The following TMEM132B variants were observed in gnomAD, a reference collection of about 807,000 sequenced individuals.
TMEM132B encodes the protein transmembrane protein 132B.
TMEM132B carries 18 observed loss-of-function variants against 90.8 expected under a neutral mutation model. The observed-to-expected ratio is 0.20, with a 90% confidence interval of 0.14 to 0.29. The LOEUF (loss-of-function observed/expected upper bound fraction) is 0.29, where lower values mean the gene tolerates loss of function less well. Among genes scored for constraint, TMEM132B ranks in the 10% least tolerant of loss-of-function variants. The pLI, the probability that TMEM132B is intolerant of heterozygous loss-of-function variation, is 1.00. For missense variants in TMEM132B, 1,096 were observed against 1,326.8 expected, an observed-to-expected ratio of 0.83 and a Z score of 2.70; for synonymous variants, 504 against 523.3, an observed-to-expected ratio of 0.96 and a Z score of 0.50.
At chr12:125,526,826 C>T (rs931323163) in intron 4 of TMEM132B, among the ~76,000 whole-genome samples, 5 of 152,094 alleles carry the variant, frequency 3.3e-5, no homozygotes, top group African/African-American at 9.7e-5. Context: ...GAGGTGCTCA[C>T]TCATTCATTC....
At chr12:125,489,551 C>A (rs373850434) in intron 3 of TMEM132B, among the ~76,000 whole-genome samples, 1 of 151,990 alleles carries the variant, frequency 6.6e-6, no homozygotes, top group Admixed American at 6.6e-5. Context: ...GGACTACAGA[C>A]GTATGCCACC....
chr12:125,485,571 A>G (rs1194947824), intron 3 of TMEM132B, among the ~76,000 whole-genome samples: 4 of 152,168 alleles, frequency 2.6e-5, no homozygotes, highest in Non-Finnish European at 2.9e-5. Context: ...GGACTTGGCA[A>G]TTAGTGATAC....
chr12:125,467,150 T>C (rs1881585183), intron 3 of TMEM132B, among the ~76,000 whole-genome samples: 1 of 152,160 alleles, frequency 6.6e-6, no homozygotes, highest in African/African-American at 2.4e-5. Flanking sequence ...CTCTCCTTTA[T>C]GGATTCAAAT....
intron 1 of TMEM132B, among the ~76,000 whole-genome samples, chr12:125,230,145 C>CT (rs1468070630): frequency 2.0e-5 from 3 of 152,172 alleles, no homozygotes; most frequent in Non-Finnish European, 4.4e-5. Context: ...TCCTCACAGT[C>CT]TAAGGTATTT....
chr12:125,365,998 C>T (rs1878121847), intron 2 of TMEM132B, among the ~76,000 whole-genome samples: 1 of 151,898 alleles, frequency 6.6e-6, no homozygotes, highest in South Asian at 2.1e-4. Flanking sequence ...CGTTAATCAA[C>T]TTCTCATCCC....
At chr12:125,387,863 G>A (rs1245533141) in intron 2 of TMEM132B, among the ~76,000 whole-genome samples, 1 of 152,190 alleles carries the variant, frequency 6.6e-6, no homozygotes, top group Non-Finnish European at 1.5e-5. Context: ...ATACTGAGAT[G>A]AACAGAGAGT....
chr12:125,554,446 A>G (rs1466806265), intron 4 of TMEM132B, among the ~76,000 whole-genome samples: 1 of 149,064 alleles, frequency 6.7e-6, no homozygotes, highest in Non-Finnish European at 1.5e-5. Context: ...AAAAAAAAAA[A>G]AAAAAAAAGA....
At chr12:125,272,971 G>A (rs188191210) in intron 1 of TMEM132B, among the ~76,000 whole-genome samples, 44 of 152,286 alleles carry the variant, frequency 2.9e-4, no homozygotes, top group African/African-American at 9.4e-4. Flanking sequence ...TCCACTCATG[G>A]TGCCCTTTTG....
chr12:125,570,540 C>T (rs59431952), intron 4 of TMEM132B, among the ~76,000 whole-genome samples: 3,185 of 152,320 alleles, frequency 0.021, 117 homozygotes, highest in African/African-American at 0.074. Flanking sequence ...TCTCTGAGTG[C>T]TATCCTATTT....
chr12:125,218,759 T>G (rs1442665949), intron 1 of TMEM132B, among the ~76,000 whole-genome samples: 3 of 137,264 alleles, frequency 2.2e-5, no homozygotes, highest in African/African-American at 8.1e-5. Flanking sequence ...ACATCTTTCT[T>G]GTTGAAGCTG....
In TMEM132B at chr12:125,612,839, TTA is replaced by T. The variant is rs1386186798; in HGVS notation, c.1437+28855_1437+28856del. ...TATATATATGTAGTGGGTGTTTATA[TTA>T]TATATATATTTATATATTATATAAA... On this transcript the variant is annotated intron_variant, in intron 5 of 8. Transcript: ENST00000682704. Among the ~76,000 whole-genome samples the T allele has an allele frequency of 7.7e-5, 8 of 104,572 alleles. No individual in the cohort carries two copies. In the East Asian group the frequency reaches 1.1e-3, roughly 14 times the overall value. 68.6% of individuals were successfully genotyped at this position (104,572 alleles called of 152,430 possible). A position where few individuals can be genotyped will look rare whatever the true frequency, so the allele number is the denominator to read the frequency against.
rs1351633825 is a variant in TMEM132B at position 125,445,022 on chromosome 12, A to G, written c.1106+29345A>G. 6.6e-6 allele frequency among the ~76,000 whole-genome samples: 1 copy of G among 152,122 alleles called. No individual in the cohort carries two copies. The highest frequency in any genetic ancestry group is 1.5e-5 in the Non-Finnish European group (1 of 68,026). On this transcript the variant is annotated intron_variant, in intron 3 of 8. Coordinates refer to ENST00000682704, the MANE Select transcript of TMEM132B (RefSeq NM_001366854.1). The surrounding 1 kb of genome is among the most constrained non-coding windows in gnomAD (Gnocchi z 4.3). ...CATCTCCAGTTGAACCCTTACTGAA[A>G]CACTGCTCCAAGAAGTATATGAACT... is the stretch of plus-strand genomic sequence containing the variant.
intron 1 of TMEM132B, chr12:125,326,764 C>A: frequency 7.5e-7 from 1 of 1,334,250 alleles, no homozygotes; most frequent in South Asian, 1.5e-5. Flanking sequence ...TTCAGATTCT[C>A]CCTTTGCAGC....
chr12:125,482,447 T>C (rs1283477887), intron 3 of TMEM132B, among the ~76,000 whole-genome samples: 2 of 152,170 alleles, frequency 1.3e-5, no homozygotes, highest in African/African-American at 4.8e-5. Context: ...GGGCAAAGGA[T>C]ATGAACAGAC....
At chr12:125,623,119 G>A (rs1377949904) in intron 5 of TMEM132B, among the ~76,000 whole-genome samples, 2 of 152,142 alleles carry the variant, frequency 1.3e-5, no homozygotes, top group African/African-American at 4.8e-5. Flanking sequence ...AGCATGATAT[G>A]CTGGGATTTC....
chr12:125,370,680 A>T (rs541256455), intron 2 of TMEM132B, among the ~76,000 whole-genome samples: 2 of 152,166 alleles, frequency 1.3e-5, no homozygotes, highest in East Asian at 3.9e-4. Flanking sequence ...AAGTGCTGGG[A>T]TTATAGGCAT....
At chr12:125,430,651 C>T (rs1269584704) in intron 3 of TMEM132B, among the ~76,000 whole-genome samples, 3 of 152,170 alleles carry the variant, frequency 2.0e-5, no homozygotes, top group Non-Finnish European at 4.4e-5. Flanking sequence ...CTGCATCCAG[C>T]GTCCTGTGCT....
rs1256942378 is a variant in TMEM132B, at chr12:125,654,598, A to G, written c.3140A>G (p.Asn1047Ser). The G allele has an allele frequency of 6.2e-7, 1 of 1,613,856 alleles. No homozygotes were observed. Among genetic ancestry groups the G allele is most frequent in the East Asian group, 2.2e-5 (1 of 44,864 alleles). ...ILPEDGGPYT[N>S]SILFDSDDNI... ...CCAGAGGACGGCGGCCCATACACCA[A>G]CTCCATCCTGTTTGACAGCGATGAT... is the stretch of plus-strand genomic sequence containing the variant. The change falls in exon 9 of 9, where the codon AAC becomes AGC. Residue 1047 changes from asparagine to serine, a missense_variant. Physicochemically the swap from Asn to Ser is conservative, Grantham distance 46. Transcript: ENST00000682704. The surrounding 1 kb of genome is among the most constrained non-coding windows in gnomAD (Gnocchi z 5.8).
chr12:125,378,409 C>G (rs1593113088), intron 2 of TMEM132B, among the ~76,000 whole-genome samples: 1 of 152,190 alleles, frequency 6.6e-6, no homozygotes, highest in East Asian at 1.9e-4. Context: ...CCTTAGTTTT[C>G]TCCCATAAGA....
Sources: gnomAD v4.1 joint callset for allele counts (sites outside exome capture counted in the v4.1 genomes callset) on GRCh38, gnomAD v4.1.1 for gene constraint, Gnocchi (gnomAD v3.1) non-coding constraint, MANE v1.5 for transcripts, NCBI Gene and HGNC (gene_info 2026-07-23, HGNC 2026-07-21) for gene names.